Variants in ERLIN1 observed in about 807,000 individuals in gnomAD.
ERLIN1 encodes ER lipid raft associated 1.
Under a neutral mutation model 46.9 loss-of-function variants are expected in ERLIN1, and 24 were observed. That is an observed-to-expected ratio of 0.51 (90% CI 0.37 to 0.72). The LOEUF (loss-of-function observed/expected upper bound fraction) is 0.72, where lower values mean the gene tolerates loss of function less well. Among genes scored for constraint, ERLIN1 ranks in the 30% least tolerant of loss-of-function variants. The pLI, the probability that ERLIN1 is intolerant of heterozygous loss-of-function variation, is 0.00. For synonymous variants in ERLIN1, 158 were observed against 143.2 expected, an observed-to-expected ratio of 1.10 and a Z score of -0.74; for missense variants, 293 against 417.9, an observed-to-expected ratio of 0.70 and a Z score of 2.61.
intron 2 of ERLIN1, among the ~76,000 whole-genome samples, chr10:100,183,275 C>T (rs753080674): frequency 1.1e-4 from 16 of 152,172 alleles, no homozygotes; most frequent in Non-Finnish European, 2.1e-4. Flanking sequence ...CAAAATATAA[C>T]ATTCACTAAG....
intron 2 of ERLIN1, among the ~76,000 whole-genome samples, chr10:100,181,046 G>T (rs1589557259): frequency 1.3e-5 from 2 of 152,134 alleles, no homozygotes; most frequent in Admixed American, 1.3e-4. Flanking sequence ...CTAGGTTAAG[G>T]GGATTGATGA....
At position 100,176,052 on chromosome 10, in the gene ERLIN1, T is replaced by C. The variant is rs1390285465; in HGVS notation, c.323A>G (p.Asn108Ser). ...GGTCTTGTCATAATCTGCAGTATAGTTCCTCACGATATCAAACACTGAAGG... is the reference window on the plus strand; with the variant it reads ...GGTCTTGTCATAATCTGCAGTATAGCTCCTCACGATATCAAACACTGAAGG... Reference protein sequence around the residue: ...APYAVFDIVRNYTADYDKTLI... With the variant: ...APYAVFDIVRSYTADYDKTLI... The change falls in exon 5 of 11, where the codon AAC becomes AGC. Residue 108 changes from asparagine (N) to serine (S), a missense_variant. By Grantham distance (46) the Asn-to-Ser change is conservative (BLOSUM62 1). Coordinates refer to ENST00000421367, the MANE Select transcript of ERLIN1 (RefSeq NM_006459.4). 2 of 1,612,524 alleles carry C rather than the reference T, an allele frequency of 1.2e-6. No individual in the cohort carries two copies. The highest frequency in any genetic ancestry group is 2.7e-5 in the African/African-American group (2 of 75,000).
intron 10 of ERLIN1, among the ~76,000 whole-genome samples, chr10:100,153,348 T>TG (rs1025013521): frequency 6.6e-6 from 1 of 152,196 alleles, no homozygotes; most frequent in African/African-American, 2.4e-5. Context: ...TCTGTCACAC[T>TG]GTTTTGTTTT....
At position 100,152,194 on chromosome 10, in the gene ERLIN1, G is replaced by A. The variant is rs769511375; in HGVS notation, c.984C>T (p.Pro328=). ...CAGAGGGTTCAAGAGCCTCCTTAGA[G>A]GGGAGTGAGCTTTCTCTTCCAGTCC... is the stretch of plus-strand genomic sequence containing the variant. ...DIRTGRESSL[P]SKEALEPSGE... is the part of the protein sequence containing the mutation. The change falls in exon 11 of 11, where the codon CCC becomes CCT. Residue 328 remains proline, a synonymous_variant. Coordinates refer to ENST00000421367, the MANE Select transcript of ERLIN1 (RefSeq NM_006459.4). The A allele has an allele frequency of 3.1e-6, 5 of 1,613,554 alleles. No homozygotes were observed. Among genetic ancestry groups the A allele is most frequent in the East Asian group, 2.2e-5 (1 of 44,886 alleles).
In ERLIN1 at chr10:100,167,339, AT is replaced by A; in HGVS notation, c.563+8del. ...ACAGAAATATTGGGATCCCATGCAT[AT>A]TACTCACATTAACTCAAAATTTCTT... On this transcript the variant is annotated splice_region_variant and intron_variant, in intron 7 of 10. Coordinates refer to ENST00000421367, the MANE Select transcript of ERLIN1 (RefSeq NM_006459.4). 6.2e-7 allele frequency: 1 copy of A among 1,600,098 alleles called. No homozygotes were observed. Among genetic ancestry groups the A allele is most frequent in the Non-Finnish European group, 8.6e-7 (1 of 1,167,516 alleles).
intron 3 of ERLIN1, 112 bp downstream of exon 3, chr10:100,179,088 TC>T: frequency 1.3e-6 from 1 of 747,680 alleles, no homozygotes; most frequent in Non-Finnish European, 2.3e-6. Flanking sequence ...AGATCAGAAG[TC>T]CCCTTGGGTT....
rs1407288275 is a variant in ERLIN1 at position 100,175,923 on chromosome 10, ACAT to A, written c.430+19_430+21del. On this transcript the variant is annotated intron_variant, in intron 5 of 10. Coordinates refer to ENST00000421367, the MANE Select transcript of ERLIN1 (RefSeq NM_006459.4). Reference sequence around the variant, plus strand: ...AAGATTTCCAATTGGCTATTTACATACATAAGAATTAAGACACTTACCAAACAA... The same window carrying A: ...AAGATTTCCAATTGGCTATTTACATAAAGAATTAAGACACTTACCAAACAA... The A allele has an allele frequency of 6.2e-7, 1 of 1,608,214 alleles. No homozygotes were observed. The highest frequency in any genetic ancestry group is 2.2e-5 in the East Asian group (1 of 44,802).
chr10:100,179,870 A>G (rs753954077), intron 2 of ERLIN1, among the ~76,000 whole-genome samples: 63 of 152,218 alleles, frequency 4.1e-4, no homozygotes, highest in Non-Finnish European at 6.3e-4. Context: ...AGGGGTTGTA[A>G]ACAACACAGC....
intron 4 of ERLIN1, among the ~76,000 whole-genome samples, chr10:100,177,320 AAGG>A (rs757391116): frequency 6.6e-6 from 1 of 152,186 alleles, no homozygotes; most frequent in Non-Finnish European, 1.5e-5. Flanking sequence ...AAAAAAAGAC[AAGG>A]AAAATGCTTA....
At chr10:100,154,837 A>G in intron 10 of ERLIN1, 23 bp downstream of exon 10, 17 of 1,600,764 alleles carry the variant, frequency 1.1e-5, no homozygotes, top group Non-Finnish European at 1.5e-5. Flanking sequence ...CATCATTAGG[A>G]AAGTGGCCAG....
chr10:100,185,630 C>A lies in ERLIN1; in HGVS notation c.-4G>T. 6.2e-7 allele frequency: 1 copy of A among 1,613,184 alleles called. No homozygotes were observed. The highest frequency in any genetic ancestry group is 8.5e-7 in the Non-Finnish European group (1 of 1,179,120). ...CCCGGGCTTGAGTCATATTCATTCT[C>A]GTTCCTCCTGGGAGCGGGAGAAAAG... is the stretch of plus-strand genomic sequence containing the variant. On this transcript the variant is annotated 5_prime_UTR_variant, in exon 1 of 11. Coordinates refer to ENST00000421367, the MANE Select transcript of ERLIN1 (RefSeq NM_006459.4).
chr10:100,185,615 A>G lies in ERLIN1; in HGVS notation c.12T>C (p.Thr4=), dbSNP rs772654232. 3 of 1,613,936 alleles carry G rather than the reference A, an allele frequency of 1.9e-6. No individual in the cohort carries two copies. Among genetic ancestry groups the G allele is most frequent in the Non-Finnish European group, 2.5e-6 (3 of 1,179,792 alleles). ...CTGCAGCCACCAGAACCCGGGCTTG[A>G]GTCATATTCATTCTCGTTCCTCCTG... MNM[T]QARVLVAAVV... The change falls in exon 1 of 11, where the codon ACT becomes ACC. Residue 4 remains threonine (T), a synonymous_variant. Coordinates refer to ENST00000421367, the MANE Select transcript of ERLIN1 (RefSeq NM_006459.4).
At position 100,151,292 on chromosome 10, in the gene ERLIN1, C is replaced by G. The variant is rs1028923718; in HGVS notation, c.*839G>C. The G allele has an allele frequency of 6.5e-6, 1 of 152,788 alleles. No homozygotes were observed. The highest frequency in any genetic ancestry group is 1.5e-5 in the Non-Finnish European group (1 of 68,274). 9.5% of individuals were successfully genotyped at this position (152,788 alleles called of 1,614,324 possible). A position where few individuals can be genotyped will look rare whatever the true frequency, so the allele number is the denominator to read the frequency against. ...TTGGCCAGAGCTGAAAGGTAACATA[C>G]AAGGAGGTGGCTGTGGCTAAAACCA... On this transcript the variant is annotated 3_prime_UTR_variant, in exon 11 of 11. Transcript: ENST00000421367.
intron 8 of ERLIN1, among the ~76,000 whole-genome samples, chr10:100,163,127 T>C (rs1843448616): frequency 6.6e-6 from 1 of 152,186 alleles, no homozygotes; most frequent in African/African-American, 2.4e-5. Context: ...TCTACATGTA[T>C]CAATATGAAT....
chr10:100,178,161 T>C lies in ERLIN1; in HGVS notation c.276A>G (p.Glu92=), dbSNP rs139168020. 8.1e-4 allele frequency: 1,282 copies of C among 1,579,918 alleles called. 31 individuals carry two copies. In the South Asian group the frequency reaches 0.011, roughly 13 times the overall value. Reference sequence around the variant, plus strand: ...CATAAGGAGCCAACATATTAACCACTTCTATTCGGTCAATATAGATCATGA... The same window carrying C: ...CATAAGGAGCCAACATATTAACCACCTCTATTCGGTCAATATAGATCATGA... ...GGVMIYIDRI[E]VVNMLAPYAV... The change falls in exon 4 of 11, where the codon GAA becomes GAG. Residue 92 remains glutamate, a synonymous_variant. Transcript: ENST00000421367.
At chr10:100,177,387 C>T (rs1197105344) in intron 4 of ERLIN1, among the ~76,000 whole-genome samples, 1 of 152,168 alleles carries the variant, frequency 6.6e-6, no homozygotes, top group African/African-American at 2.4e-5. Context: ...CTGCTCTCTA[C>T]TCTGAAATCT....
intron 2 of ERLIN1, among the ~76,000 whole-genome samples, chr10:100,182,324 C>T (rs1027765659): frequency 1.3e-5 from 2 of 151,958 alleles, no homozygotes; most frequent in Non-Finnish European, 2.9e-5. Context: ...GCCACTGCGC[C>T]GGGCCTTAGA....
At chr10:100,155,567 T>C (rs566268963) in intron 9 of ERLIN1, among the ~76,000 whole-genome samples, 1 of 151,986 alleles carries the variant, frequency 6.6e-6, no homozygotes, top group African/African-American at 2.4e-5. Flanking sequence ...CAGGCTGGAG[T>C]GCAGTGGCGG....
chr10:100,177,518 G>C (rs1307755842), intron 4 of ERLIN1, among the ~76,000 whole-genome samples: 2 of 152,010 alleles, frequency 1.3e-5, no homozygotes, highest in Non-Finnish European at 2.9e-5. Flanking sequence ...GAAGGCAAAG[G>C]CTGTAATTTC....
Sources: allele counts gnomAD v4.1 joint callset (sites outside exome capture counted in the v4.1 genomes callset), GRCh38; gene constraint gnomAD v4.1.1; transcripts MANE v1.5; gene names NCBI Gene and HGNC (gene_info 2026-07-23, HGNC 2026-07-21).